Variants in GP6 observed in about 807,000 individuals in gnomAD.
GP6 encodes the protein glycoprotein VI platelet.
Under a neutral mutation model 37.3 loss-of-function variants are expected in GP6, and 45 were observed. The observed-to-expected ratio is 1.21, with a 90% CI of 0.95 to 1.55. The LOEUF (loss-of-function observed/expected upper bound fraction) is 1.55, where lower values mean the gene tolerates loss of function less well. GP6 is among the 40% of genes most tolerant of loss of function. The pLI is 0.00. For synonymous variants in GP6, 340 were observed against 316.4 expected (o/e 1.07, Z -0.79); for missense variants, 813 against 760.2 (o/e 1.07, Z -0.82).
At chr19:55,025,185 G>A (rs372712639) in intron 5 of GP6, 33 bp downstream of exon 5, 30 of 1,251,164 alleles carry the variant, frequency 2.4e-5, no homozygotes, top group Non-Finnish European at 3.2e-5. Context: ...TACCTCATAC[G>A]CTGTGCACCA....
chr19:55,014,723 TCAGACAGAGAGGCAGACAGA>T lies in GP6; in HGVS notation c.1202_1221del (p.Val401GlufsTer56), dbSNP rs1568587040. On this transcript the variant is annotated frameshift_variant, in exon 8 of 8. Coordinates refer to ENST00000310373, the MANE Select transcript of GP6 (RefSeq NM_001083899.2). LOFTEE classifies it low-confidence loss of function (END_TRUNC). ...CTTCCATCCCAAATGGAGGGTGCCC[TCAGACAGAGAGGCAGACAGA>T]CAGACAGACACTGGCCGAACGGCTC... is the stretch of plus-strand genomic sequence containing the variant. 6.2e-7 allele frequency: 1 copy of T among 1,613,450 alleles called. No homozygotes were observed. Among genetic ancestry groups the T allele is most frequent in the South Asian group, 1.1e-5 (1 of 91,016 alleles).
chr19:55,024,280 A>ACACATGCACG (rs749387274), intron 5 of GP6, among the ~76,000 whole-genome samples: 9 of 30,396 alleles, frequency 3.0e-4, no homozygotes, highest in East Asian at 2.6e-3. Flanking sequence ...ACGCATGCAC[A>ACACATGCACG]CACACACATA....
Position 55,038,250 on chromosome 19 carries a change from T to C in GP6, c.-14A>G. On this transcript the variant is annotated 5_prime_UTR_variant, in exon 1 of 8. Transcript: ENST00000310373. ...GGATGGAGACATGGTTCCTCAGCCC[T>C]GTCCTGAGCTCTGTGGCCAGGGAGG... is the stretch of plus-strand genomic sequence containing the variant. 6.3e-7 allele frequency: 1 copy of C among 1,581,764 alleles called. No individual in the cohort carries two copies. The highest frequency in any genetic ancestry group is 2.3e-5 in the East Asian group (1 of 44,076).
chr19:55,032,452 T>G, intron 2 of GP6, 54 bp downstream of exon 2: 3 of 1,612,994 alleles, frequency 1.9e-6, no homozygotes, highest in South Asian at 2.2e-5. Flanking sequence ...TGGACCCCGC[T>G]GCTCCCGCGC....
rs767194721 is a variant in GP6 at position 55,026,883 on chromosome 19, CA to C, written c.610+694del. On this transcript the variant is annotated intron_variant, in intron 4 of 7. Coordinates refer to ENST00000310373, the MANE Select transcript of GP6 (RefSeq NM_001083899.2). ...CCTGGGTGACAGAGTGAGACTTCGT[CA>C]AAAAAAAAAAAAAGAAACCTCCATT... is the stretch of plus-strand genomic sequence containing the variant. Among the ~76,000 whole-genome samples the C allele has an allele frequency of 4.8e-3, 630 of 131,070 alleles. 21 individuals carry two copies. Among genetic ancestry groups the C allele is most frequent in the Middle Eastern group, 0.013 (3 of 234 alleles). The allele number at this position is 131,070 out of a possible 152,430, so 86.0% of individuals were successfully genotyped here. A position where few individuals can be genotyped will look rare whatever the true frequency, so the allele number is the denominator to read the frequency against.
At chr19:55,021,453 A>G (rs950558132) in intron 5 of GP6, among the ~76,000 whole-genome samples, 5 of 151,372 alleles carry the variant, frequency 3.3e-5, no homozygotes, top group Non-Finnish European at 5.9e-5. Flanking sequence ...TTACATTCCC[A>G]ACAGTGTAAA....
chr19:55,032,548 G>A lies in GP6; in HGVS notation c.35-10C>T. ...CGCCCCAGACACAGCCCTGAGGAAA[G>A]AAGAAAGGGACCAGATGCCAGGACT... On this transcript the variant is annotated splice_polypyrimidine_tract_variant and intron_variant, in intron 1 of 7. Transcript: ENST00000310373. 6.2e-7 allele frequency: 1 copy of A among 1,613,624 alleles called. No homozygotes were observed. The highest frequency in any genetic ancestry group is 1.1e-5 in the South Asian group (1 of 91,032).
chr19:55,037,623 CTTTTTTTTTT>C (rs1179101360), intron 1 of GP6, among the ~76,000 whole-genome samples: 3 of 50,452 alleles, frequency 5.9e-5, no homozygotes, highest in South Asian at 1.8e-3. Context: ...GGCACTCAGC[CTTTTTTTTTT>C]TTTTTTTTTT....
Position 55,018,651 on chromosome 19 carries a change from C to T in GP6, c.724+1G>A. On this transcript the variant is annotated splice_donor_variant, in intron 6 of 7. Coordinates refer to ENST00000310373, the MANE Select transcript of GP6 (RefSeq NM_001083899.2). LOFTEE classifies it high-confidence loss of function. ...TGAGCATGAAATGCCTGGTTACTCA[C>T]CAGTTGTGAAGACTTCGTTTGTGAA... 4 of 1,560,794 alleles carry T rather than the reference C, an allele frequency of 2.6e-6. No homozygotes were observed. Among genetic ancestry groups the T allele is most frequent in the Non-Finnish European group, 3.5e-6 (4 of 1,131,044 alleles).
chr19:55,016,442 G>C (rs1410828582), intron 6 of GP6, among the ~76,000 whole-genome samples: 29 of 138,924 alleles, frequency 2.1e-4, no homozygotes, highest in African/African-American at 4.4e-4. Context: ...GTGGCCCGAT[G>C]TCGGCTCACT....
chr19:55,027,935 C>G lies in GP6; in HGVS notation c.326-73G>C, dbSNP rs59293899. On this transcript the variant is annotated intron_variant, in intron 3 of 7. Coordinates refer to ENST00000310373, the MANE Select transcript of GP6 (RefSeq NM_001083899.2). ...AGCTGAGACTGGGGAGGTCCCCACACCTGCCTAAGAGCTGGGGAGCTTTTT... is the reference window on the plus strand; with the variant it reads ...AGCTGAGACTGGGGAGGTCCCCACAGCTGCCTAAGAGCTGGGGAGCTTTTT... The G allele has an allele frequency of 0.052, 76,572 of 1,468,038 alleles. 2,258 individuals carry two copies. The highest frequency in any genetic ancestry group is 0.1 in the African/African-American group (7,299 of 72,194). The allele number at this position is 1,468,038 out of a possible 1,614,324, so 90.9% of individuals were successfully genotyped here. A position where few individuals can be genotyped will look rare whatever the true frequency, so the allele number is the denominator to read the frequency against.
chr19:55,026,795 A>G (rs1423990038), intron 4 of GP6, among the ~76,000 whole-genome samples: 1 of 152,166 alleles, frequency 6.6e-6, no homozygotes, highest in Non-Finnish European at 1.5e-5. Flanking sequence ...CTGAGGCAGC[A>G]GAATCGCTTG....
At position 55,021,602 on chromosome 19, in the gene GP6, C is replaced by G. The variant is rs892319752; in HGVS notation, c.665-2891G>C. Among the ~76,000 whole-genome samples, 6 of 140,764 alleles carry G rather than the reference C, an allele frequency of 4.3e-5. No individual in the cohort carries two copies. In the East Asian group the frequency reaches 7.0e-4, roughly 16 times the overall value. The allele number at this position is 140,764 out of a possible 152,430, so 92.3% of individuals were successfully genotyped here. A position where few individuals can be genotyped will look rare whatever the true frequency, so the allele number is the denominator to read the frequency against. ...GTGGCACAATCTTGGCTCACTGCAACCTCCGCCTCCCGGGTTCACGCCATT... is the reference window on the plus strand; with the variant it reads ...GTGGCACAATCTTGGCTCACTGCAAGCTCCGCCTCCCGGGTTCACGCCATT... On this transcript the variant is annotated intron_variant, in intron 5 of 7. Coordinates refer to ENST00000310373, the MANE Select transcript of GP6 (RefSeq NM_001083899.2).
At chr19:55,033,023 CGTGTTAGACACGGTGGACTCGTTCGTGTT>C (rs2074648040) in intron 1 of GP6, among the ~76,000 whole-genome samples, 6 of 103,820 alleles carry the variant, frequency 5.8e-5, no homozygotes, top group African/African-American at 1.2e-4. Flanking sequence ...TGGACTCGTT[CGTGTTAGACACGGTGGACTCGTTCGTGTT>C]GTGTTAGACA....
At chr19:55,021,124 C>T (rs748336051) in intron 5 of GP6, among the ~76,000 whole-genome samples, 5 of 146,756 alleles carry the variant, frequency 3.4e-5, no homozygotes, top group African/African-American at 5.0e-5. Flanking sequence ...TTTGGGAGGC[C>T]GAGGCAGGTG....
At position 55,037,155 on chromosome 19, in the gene GP6, T is replaced by A. The variant is rs2074861295; in HGVS notation, c.34+1048A>T. On this transcript the variant is annotated intron_variant, in intron 1 of 7. Coordinates refer to ENST00000310373, the MANE Select transcript of GP6 (RefSeq NM_001083899.2). ...TTAGCCTTTTGGAGATGCTGTCCCTTTAGTGGTCAAATTCTGAAGAAATCA... is the reference window on the plus strand; with the variant it reads ...TTAGCCTTTTGGAGATGCTGTCCCTATAGTGGTCAAATTCTGAAGAAATCA... 2.0e-5 allele frequency among the ~76,000 whole-genome samples: 3 copies of A among 152,278 alleles called. No individual in the cohort carries two copies. The South Asian group carries it at 6.2e-4, about 32-fold the overall frequency.
rs796341281 is a variant in GP6 at position 55,032,057 on chromosome 19, A to C, written c.325+82T>G. On this transcript the variant is annotated intron_variant, in intron 3 of 7. Transcript: ENST00000310373. ...GCCAGTGCCTCGTTTGCCTCACCCT[A>C]ATCCCTGCCCTCAATGTCCCCCGTA... 6.4e-6 allele frequency: 9 copies of C among 1,410,686 alleles called. No homozygotes were observed. The African/African-American group carries it at 1.3e-4, about 20-fold the overall frequency. The allele number at this position is 1,410,686 out of a possible 1,614,324, so 87.4% of individuals were successfully genotyped here.
chr19:55,024,044 T>C (rs11084381), intron 5 of GP6, among the ~76,000 whole-genome samples: 115,183 of 151,858 alleles, frequency 0.76, 44,473 homozygotes, highest in Middle Eastern at 0.84. Flanking sequence ...GACGCGAATC[T>C]ACAACTGTGA....
rs765902536 is a variant in GP6, at chr19:55,032,544, G to A, written c.35-6C>T. 1 of 1,613,650 alleles carries A rather than the reference G, an allele frequency of 6.2e-7. No homozygotes were observed. Among genetic ancestry groups the A allele is most frequent in the Admixed American group, 1.7e-5 (1 of 60,006 alleles). ...CACACGCCCCAGACACAGCCCTGAG[G>A]AAAGAAGAAAGGGACCAGATGCCAG... On this transcript the variant is annotated splice_polypyrimidine_tract_variant and splice_region_variant and intron_variant, in intron 1 of 7. Transcript: ENST00000310373.
Sources: gnomAD v4.1 joint callset for allele counts (sites outside exome capture counted in the v4.1 genomes callset) on GRCh38, gnomAD v4.1.1 for gene constraint, MANE v1.5 for transcripts, NCBI Gene and HGNC (gene_info 2026-07-23, HGNC 2026-07-21) for gene names.